The following BMPR1A variants were observed in gnomAD, a reference collection of about 807,000 sequenced individuals.
BMPR1A encodes bone morphogenetic protein receptor type-1A.
In BMPR1A, 7 loss-of-function variants were observed where a neutral mutation model predicts 66.0. The ratio of observed to expected loss-of-function variants is 0.11; its 90% CI spans 0.06 to 0.20. BMPR1A has a LOEUF of 0.20. BMPR1A is among the 10% of genes least tolerant of loss of function. The pLI, the probability that BMPR1A is intolerant of heterozygous loss-of-function variation, is 1.00. For synonymous variants in BMPR1A, 200 were observed against 229.7 expected (o/e 0.87, Z 1.17); for missense variants, 408 against 669.1 (o/e 0.61, Z 4.31).
At chr10:86,928,047 AT>A, downstream of BMPR1A, 1 of 171,548 alleles carries the variant, frequency 5.8e-6, no homozygotes, top group South Asian at 2.0e-4. Flanking sequence ...TTTTGTAATG[AT>A]TAAGTTAGTG....
chr10:86,785,538 C>T (rs188677781), intron 1 of BMPR1A, among the ~76,000 whole-genome samples: 1 of 152,338 alleles, frequency 6.6e-6, no homozygotes, highest in East Asian at 1.9e-4. Flanking sequence ...CTCCTGACCT[C>T]AGGTGATCTG....
chr10:86,898,460 T>C (rs1347040852), intron 5 of BMPR1A, among the ~76,000 whole-genome samples: 1 of 152,174 alleles, frequency 6.6e-6, no homozygotes, highest in Non-Finnish European at 1.5e-5. Flanking sequence ...TCATAAGGAA[T>C]ACAAACGCAT....
intron 2 of BMPR1A, among the ~76,000 whole-genome samples, chr10:86,849,862 A>G (rs1842542630): frequency 6.6e-6 from 1 of 152,200 alleles, no homozygotes; most frequent in Non-Finnish European, 1.5e-5. Context: ...TCTGAATTTT[A>G]TTAGCGTTTA....
At chr10:86,827,513 C>T (rs1422770745) in intron 1 of BMPR1A, among the ~76,000 whole-genome samples, 2 of 152,132 alleles carry the variant, frequency 1.3e-5, no homozygotes, top group African/African-American at 4.8e-5. Flanking sequence ...TTTTGCGTGG[C>T]TCATGGTAGC....
chr10:86,821,868 A>G (rs756709534), intron 1 of BMPR1A, among the ~76,000 whole-genome samples: 3 of 151,902 alleles, frequency 2.0e-5, no homozygotes, highest in Non-Finnish European at 2.9e-5. Flanking sequence ...CAGTGACACA[A>G]TCATGGCTCA....
At chr10:86,869,359 A>G (rs2133282627) in intron 2 of BMPR1A, among the ~76,000 whole-genome samples, 1 of 151,918 alleles carries the variant, frequency 6.6e-6, no homozygotes, top group South Asian at 2.1e-4. Context: ...TCCGAGGCTG[A>G]AGCAGGAGAA....
chr10:86,863,839 A>G (rs531166516), intron 2 of BMPR1A, among the ~76,000 whole-genome samples: 1 of 152,156 alleles, frequency 6.6e-6, no homozygotes. Flanking sequence ...TGTACCCTGA[A>G]TTAAAAAAAA....
intron 1 of BMPR1A, among the ~76,000 whole-genome samples, chr10:86,768,228 TAATA>T (rs2132634582): frequency 6.6e-6 from 1 of 152,288 alleles, no homozygotes; most frequent in South Asian, 2.1e-4. Context: ...CAAGGGATAA[TAATA>T]AAGTAACGTT....
At chr10:86,799,460 T>A (rs1423977596) in intron 1 of BMPR1A, among the ~76,000 whole-genome samples, 1 of 142,182 alleles carries the variant, frequency 7.0e-6, no homozygotes, top group Non-Finnish European at 1.5e-5. Context: ...TTTTCTTTCT[T>A]CCTTCCTTTC....
rs1003968983 is a variant in BMPR1A, at chr10:86,914,073, T to C, written c.675+1689T>C. Among the ~76,000 whole-genome samples the C allele has an allele frequency of 2.6e-5, 4 of 151,730 alleles. No individual in the cohort carries two copies. In the East Asian group the frequency reaches 7.7e-4, roughly 29 times the overall value. Reference sequence around the variant, plus strand: ...AGATGTATTGATGAATGGAACAGATTATGGAGTTTAGAAAGGAACATGCAC... The same window carrying C: ...AGATGTATTGATGAATGGAACAGATCATGGAGTTTAGAAAGGAACATGCAC... On this transcript the variant is annotated intron_variant, in intron 8 of 12. Transcript: ENST00000372037.
chr10:86,834,543 G>T (rs1054363988), intron 1 of BMPR1A, among the ~76,000 whole-genome samples: 5 of 152,046 alleles, frequency 3.3e-5, no homozygotes, highest in Non-Finnish European at 7.4e-5. Flanking sequence ...TTATATGTTT[G>T]GTTTTATGAG....
rs1260925909 is a variant in BMPR1A at position 86,925,151 on chromosome 10, A to G, written c.*1432A>G. 3.5e-5 allele frequency: 8 copies of G among 231,560 alleles called. No individual in the cohort carries two copies. The highest frequency in any genetic ancestry group is 6.8e-5 in the Non-Finnish European group (8 of 117,088). The allele number at this position is 231,560 out of a possible 1,614,324, so 14.3% of individuals were successfully genotyped here. A position where few individuals can be genotyped will look rare whatever the true frequency, so the allele number is the denominator to read the frequency against. ...TAGTCAGTATCTGTAGCTACACTGT[A>G]TAACTGTTCTTCAATAAAATGGTTC... On this transcript the variant is annotated 3_prime_UTR_variant, in exon 13 of 13. Transcript: ENST00000372037.
At chr10:86,850,416 T>C (rs1842551230) in intron 2 of BMPR1A, among the ~76,000 whole-genome samples, 1 of 152,156 alleles carries the variant, frequency 6.6e-6, no homozygotes, top group South Asian at 2.1e-4. Context: ...GGTGGTCTTA[T>C]CTACTGCTTT....
chr10:86,847,846 G>A (rs2133162378), intron 2 of BMPR1A, among the ~76,000 whole-genome samples: 1 of 151,810 alleles, frequency 6.6e-6, no homozygotes, highest in South Asian at 2.1e-4. Flanking sequence ...CCATCTTGGG[G>A]ACCTCTGTTT....
At chr10:86,792,921 T>C (rs949570358) in intron 1 of BMPR1A, among the ~76,000 whole-genome samples, 2 of 152,186 alleles carry the variant, frequency 1.3e-5, no homozygotes, top group African/African-American at 4.8e-5. Flanking sequence ...TAATAGCACC[T>C]ATATCAAGGA....
In BMPR1A at chr10:86,923,953, A is replaced by G; in HGVS notation, c.*234A>G. ...AGCTTTATTTTAAATGTGGTTTTTGATGCCTTTTTTTAAGTGGGTTTTTAT... is the reference window on the plus strand; with the variant it reads ...AGCTTTATTTTAAATGTGGTTTTTGGTGCCTTTTTTTAAGTGGGTTTTTAT... On this transcript the variant is annotated 3_prime_UTR_variant, in exon 13 of 13. Coordinates refer to ENST00000372037, the MANE Select transcript of BMPR1A (RefSeq NM_004329.3). 1.8e-6 allele frequency: 1 copy of G among 550,758 alleles called. No individual in the cohort carries two copies. The highest frequency in any genetic ancestry group is 2.1e-5 in the South Asian group (1 of 48,302). The allele number at this position is 550,758 out of a possible 1,614,324, so 34.1% of individuals were successfully genotyped here.
chr10:86,895,326 TCAGGACTTAGAGAC>T (rs1843210968), intron 5 of BMPR1A, among the ~76,000 whole-genome samples: 1 of 151,902 alleles, frequency 6.6e-6, no homozygotes, highest in East Asian at 1.9e-4. Context: ...TCATCTGAGG[TCAGGACTTAGAGAC>T]CAGCCTGATC....
At chr10:86,766,327 A>G (rs1422644974) in intron 1 of BMPR1A, among the ~76,000 whole-genome samples, 1 of 152,158 alleles carries the variant, frequency 6.6e-6, no homozygotes, top group African/African-American at 2.4e-5. Context: ...TTAAGCAGTT[A>G]TTCCATTTTC....
chr10:86,784,678 T>G (rs1473582897), intron 1 of BMPR1A, among the ~76,000 whole-genome samples: 1 of 152,186 alleles, frequency 6.6e-6, no homozygotes, highest in Non-Finnish European at 1.5e-5. Flanking sequence ...CTGAGTCAGT[T>G]TCCTTACTAG....
Sources: gnomAD v4.1 joint callset for allele counts (sites outside exome capture counted in the v4.1 genomes callset) on GRCh38, gnomAD v4.1.1 for gene constraint, MANE v1.5 for transcripts, NCBI Gene and HGNC (gene_info 2026-07-23, HGNC 2026-07-21) for gene names.